The following GJB7 variants were observed in gnomAD, a reference collection of about 807,000 sequenced individuals.
The protein encoded by GJB7 is gap junction beta-7 protein.
For missense variants in GJB7, 253 were observed against 256.8 expected, an observed-to-expected ratio of 0.99 and a Z score of 0.10; for synonymous variants, 87 against 95.2, an observed-to-expected ratio of 0.91 and a Z score of 0.50.
intron 2 of GJB7, among the ~76,000 whole-genome samples, chr6:87,295,859 A>C (rs1776242824): frequency 6.6e-6 from 1 of 152,182 alleles, no homozygotes; most frequent in Admixed American, 6.5e-5. Context: ...TGTCCAAGAA[A>C]TGTTTTGAGA....
chr6:87,292,595 T>C (rs1245994204), intron 2 of GJB7, among the ~76,000 whole-genome samples: 2 of 152,220 alleles, frequency 1.3e-5, no homozygotes, highest in Non-Finnish European at 2.9e-5. Flanking sequence ...GAGGGAGTGA[T>C]TTAAAGTACT....
At chr6:87,294,918 TCTTA>T (rs1433203600) in intron 2 of GJB7, among the ~76,000 whole-genome samples, 1 of 152,354 alleles carries the variant, frequency 6.6e-6, no homozygotes, top group East Asian at 1.9e-4. Context: ...TGGACTTATT[TCTTA>T]CTTAACTTCG....
At chr6:87,300,791 C>G (rs968589181) in intron 2 of GJB7, among the ~76,000 whole-genome samples, 2 of 152,164 alleles carry the variant, frequency 1.3e-5, no homozygotes, top group Admixed American at 6.5e-5. Flanking sequence ...TGCTTACTAT[C>G]ACCAGATGAA....
intron 1 of GJB7, among the ~76,000 whole-genome samples, chr6:87,327,068 T>C (rs1776840957): frequency 6.6e-6 from 1 of 151,024 alleles, no homozygotes; most frequent in Non-Finnish European, 1.5e-5. Flanking sequence ...AAGTCTGTTT[T>C]ATCAGAGACT....
intron 2 of GJB7, chr6:87,300,272 T>A (rs569755664): frequency 2.2e-5 from 4 of 184,468 alleles, no homozygotes; most frequent in Non-Finnish European, 4.8e-5. Context: ...GATGATGCTA[T>A]GTTATGAATA....
intron 2 of GJB7, among the ~76,000 whole-genome samples, chr6:87,292,920 T>G (rs962552482): frequency 6.6e-6 from 1 of 152,248 alleles, no homozygotes; most frequent in East Asian, 1.9e-4. Flanking sequence ...CCATGTGAGT[T>G]TCAGCACAGG....
chr6:87,318,643 A>G (rs955577975), intron 2 of GJB7, among the ~76,000 whole-genome samples: 6 of 152,244 alleles, frequency 3.9e-5, no homozygotes, highest in African/African-American at 1.4e-4. Context: ...ATTAGCAAAA[A>G]TAAATCACAA....
intron 2 of GJB7, among the ~76,000 whole-genome samples, chr6:87,318,819 A>G (rs1776619257): frequency 6.6e-6 from 1 of 152,226 alleles, no homozygotes; most frequent in South Asian, 2.1e-4. Flanking sequence ...CACATTGATC[A>G]TATCAACTAC....
intron 1 of GJB7, among the ~76,000 whole-genome samples, chr6:87,328,726 A>G (rs995455000): frequency 3.3e-4 from 50 of 152,324 alleles, no homozygotes; most frequent in Admixed American, 9.8e-4. Flanking sequence ...CCCTGCCCCC[A>G]GAGGTGGAGC....
At chr6:87,323,866 G>T (rs1220346367) in intron 1 of GJB7, among the ~76,000 whole-genome samples, 2 of 152,092 alleles carry the variant, frequency 1.3e-5, no homozygotes, top group Admixed American at 1.3e-4. Context: ...TTCCACAATG[G>T]TTGTACTGGT....
At chr6:87,326,093 C>T (rs2127916297) in intron 1 of GJB7, among the ~76,000 whole-genome samples, 1 of 152,308 alleles carries the variant, frequency 6.6e-6, no homozygotes, top group South Asian at 2.1e-4. Flanking sequence ...GTTTGTATTT[C>T]TGTGGGATCG....
chr6:87,292,869 C>G (rs1278033764), intron 2 of GJB7, among the ~76,000 whole-genome samples: 1 of 152,186 alleles, frequency 6.6e-6, no homozygotes, highest in Non-Finnish European at 1.5e-5. Flanking sequence ...ACCCATGTCT[C>G]AGAGCTCTTT....
At chr6:87,303,842 A>C (rs1367035010) in intron 2 of GJB7, among the ~76,000 whole-genome samples, 1 of 152,216 alleles carries the variant, frequency 6.6e-6, no homozygotes, top group Non-Finnish European at 1.5e-5. Flanking sequence ...ACCACAGCAC[A>C]ATCAAACTAG....
chr6:87,304,544 A>G (rs1443486687), intron 2 of GJB7, among the ~76,000 whole-genome samples: 5 of 152,176 alleles, frequency 3.3e-5, no homozygotes, highest in Non-Finnish European at 7.3e-5. Flanking sequence ...TAGACTACCA[A>G]CCAAAAAAAG....
chr6:87,312,511 C>CA (rs58594492), intron 2 of GJB7, among the ~76,000 whole-genome samples: 3,146 of 68,304 alleles, frequency 0.046, 59 homozygotes, highest in Middle Eastern at 0.18. Context: ...ACTCTGTCTA[C>CA]AAAAAAAAAA....
intron 2 of GJB7, among the ~76,000 whole-genome samples, chr6:87,306,146 G>A (rs1052853545): frequency 2.8e-4 from 42 of 151,882 alleles, no homozygotes; most frequent in African/African-American, 9.7e-4. Context: ...AACACCAAAA[G>A]CAATGGCAAC....
intron 2 of GJB7, among the ~76,000 whole-genome samples, chr6:87,313,281 A>G (rs1184897500): frequency 1.3e-5 from 2 of 152,246 alleles, no homozygotes; most frequent in African/African-American, 4.8e-5. Flanking sequence ...TCTTCCTACT[A>G]CTTATTGAAC....
chr6:87,301,013 A>T (rs919460140), intron 2 of GJB7, among the ~76,000 whole-genome samples: 3 of 152,240 alleles, frequency 2.0e-5, no homozygotes, highest in Non-Finnish European at 4.4e-5. Flanking sequence ...ATTTCATCAG[A>T]GGATGAAAAT....
chr6:87,297,602 C>T (rs1776265118), intron 2 of GJB7, among the ~76,000 whole-genome samples: 1 of 152,156 alleles, frequency 6.6e-6, no homozygotes, highest in African/African-American at 2.4e-5. Context: ...ACTGAATTAT[C>T]TTTGTTGATT....
Sources: allele counts gnomAD v4.1 joint callset (sites outside exome capture counted in the v4.1 genomes callset), GRCh38; gene constraint gnomAD v4.1.1; transcripts MANE v1.5; gene names NCBI Gene and HGNC (gene_info 2026-07-23, HGNC 2026-07-21).